Variants in ZNF236 observed in about 807,000 individuals in gnomAD.
ZNF236 encodes the protein regulated by glucose.
Under a neutral mutation model 191.2 loss-of-function variants are expected in ZNF236, and 50 were observed. That is an observed-to-expected ratio of 0.26 (90% CI 0.21 to 0.33). ZNF236 has a LOEUF of 0.33. Ranked by LOEUF, ZNF236 falls within the 10% of genes least tolerant of loss-of-function variation. ZNF236 has a pLI of 1.00. For synonymous variants in ZNF236, 907 were observed against 928.8 expected, an observed-to-expected ratio of 0.98 and a Z score of 0.43; for missense variants, 1,754 against 2,374.5, an observed-to-expected ratio of 0.74 and a Z score of 5.43.
At chr18:76,897,291 C>G (rs865922308) in intron 10 of ZNF236, among the ~76,000 whole-genome samples, 1 of 151,880 alleles carries the variant, frequency 6.6e-6, no homozygotes, top group African/African-American at 2.4e-5. Flanking sequence ...CACACAGGTA[C>G]CACATACAGT....
chr18:76,830,508 G>A (rs911166576), intron 1 of ZNF236, among the ~76,000 whole-genome samples: 1 of 152,048 alleles, frequency 6.6e-6, no homozygotes, highest in African/African-American at 2.4e-5. Context: ...CATTTGTTCC[G>A]CAGGCTCGGT....
intron 3 of ZNF236, among the ~76,000 whole-genome samples, chr18:76,860,249 T>G (rs1976174548): frequency 6.6e-6 from 1 of 152,078 alleles, no homozygotes; most frequent in Non-Finnish European, 1.5e-5. Flanking sequence ...ATGCCACATG[T>G]TCTGGGTGGC....
At position 76,964,215 on chromosome 18, in the gene ZNF236, C is replaced by T. The variant is rs527389625; in HGVS notation, c.5419+3360C>T. Reference sequence around the variant, plus strand: ...ACATTTAGGGCTACGAACTTTCCTCCTAGCACTGCCTTTGCTGTATCCCAG... The same window carrying T: ...ACATTTAGGGCTACGAACTTTCCTCTTAGCACTGCCTTTGCTGTATCCCAG... On this transcript the variant is annotated intron_variant, in intron 30 of 30. Coordinates refer to ENST00000320610, the MANE Select transcript of ZNF236 (RefSeq NM_001306089.2). 3.9e-5 allele frequency among the ~76,000 whole-genome samples: 6 copies of T among 152,254 alleles called. 1 individual carries two copies. Among genetic ancestry groups the T allele is most frequent in the African/African-American group, 1.2e-4 (5 of 41,550 alleles).
Position 76,875,452 on chromosome 18 carries a change from A to G in ZNF236, c.668-40A>G. ...TTTTCAATCCGTAAGATGCCCATAC[A>G]ATATGGAATTATATTTTGATCATTT... On this transcript the variant is annotated intron_variant, in intron 5 of 30. Coordinates refer to ENST00000320610, the MANE Select transcript of ZNF236 (RefSeq NM_001306089.2). The surrounding 1 kb of genome is among the most constrained non-coding windows in gnomAD (Gnocchi z 4.3). The G allele has an allele frequency of 6.9e-7, 1 of 1,444,916 alleles. No homozygotes were observed. The highest frequency in any genetic ancestry group is 2.5e-5 in the Admixed American group (1 of 40,138). 89.5% of individuals were successfully genotyped at this position (1,444,916 alleles called of 1,614,324 possible).
chr18:76,884,481 T>TAA (rs1229268532), intron 9 of ZNF236, among the ~76,000 whole-genome samples: 2 of 152,138 alleles, frequency 1.3e-5, no homozygotes, highest in Admixed American at 6.5e-5. Context: ...GGAAAGCTGA[T>TAA]GATTGACTCC....
rs1489698542 is a variant in ZNF236, at chr18:76,969,295, C to T, written c.*956C>T. On this transcript the variant is annotated 3_prime_UTR_variant, in exon 31 of 31. Transcript: ENST00000320610. ...TTCTTTAGTATCGTCAATGGTGCCA[C>T]ATAAAACATGTCCCAAACCAAATCC... 1 of 152,686 alleles carries T rather than the reference C, an allele frequency of 6.5e-6. No homozygotes were observed. Among genetic ancestry groups the T allele is most frequent in the Non-Finnish European group, 1.5e-5 (1 of 68,072 alleles). 9.5% of individuals were successfully genotyped at this position (152,686 alleles called of 1,614,324 possible). A position where few individuals can be genotyped will look rare whatever the true frequency, so the allele number is the denominator to read the frequency against.
At chr18:76,850,856 A>T (rs1265798638) in intron 2 of ZNF236, among the ~76,000 whole-genome samples, 2 of 151,708 alleles carry the variant, frequency 1.3e-5, no homozygotes, top group Non-Finnish European at 2.9e-5. Context: ...CGCCTGCCTC[A>T]GCCTCCCAAA....
Position 76,895,176 on chromosome 18 carries a change from G to A in ZNF236, c.1581G>A (p.Leu527=). The A allele has an allele frequency of 6.2e-7, 1 of 1,606,060 alleles. No individual in the cohort carries two copies. The highest frequency in any genetic ancestry group is 8.5e-7 in the Non-Finnish European group (1 of 1,179,980). The change falls in exon 10 of 31, where the codon CTG becomes CTA. Residue 527 remains leucine (L), a synonymous_variant. Coordinates refer to ENST00000320610, the MANE Select transcript of ZNF236 (RefSeq NM_001306089.2). ...CFRAFAVKST[L]TAHIKTHTGI... Reference sequence around the variant, plus strand: ...GCGCCTTCGCCGTGAAGAGCACGCTGACAGCGCACATCAAGACGCACACCG... The same window carrying A: ...GCGCCTTCGCCGTGAAGAGCACGCTAACAGCGCACATCAAGACGCACACCG...
At chr18:76,956,226 G>T in intron 28 of ZNF236, 44 bp downstream of exon 28, 11 of 1,535,708 alleles carry the variant, frequency 7.2e-6, no homozygotes, top group South Asian at 1.2e-5. Flanking sequence ...CCCCCAGGCG[G>T]CTAGAGATGC....
chr18:76,868,786 TGCCTGCAAG>T lies in ZNF236; in HGVS notation c.475_483del (p.Ala159_Lys161del). 2 of 1,613,952 alleles carry T rather than the reference TGCCTGCAAG, an allele frequency of 1.2e-6. No individual in the cohort carries two copies. The highest frequency in any genetic ancestry group is 8.5e-7 in the Non-Finnish European group (1 of 1,179,960). On this transcript the variant is annotated inframe_deletion, in exon 4 of 31. Transcript: ENST00000320610. ...AGGAGCTGGCTGGAACCCGGCAGCA[TGCCTGCAAG>T]GCCTGCAAGAAAGAGTTCGAGACCT...
Position 76,972,179 on chromosome 18 carries a change from A to C in ZNF236, c.*3840A>C, listed in dbSNP as rs1286496186. ...TGTCGTATCTGTACTTGGGGCCTCT[A>C]CACCTTTCCCATATTCTAATGAAAA... On this transcript the variant is annotated 3_prime_UTR_variant, in exon 31 of 31. Coordinates refer to ENST00000320610, the MANE Select transcript of ZNF236 (RefSeq NM_001306089.2). 6.6e-6 allele frequency among the ~76,000 whole-genome samples: 1 copy of C among 152,324 alleles called. No individual in the cohort carries two copies. Among genetic ancestry groups the C allele is most frequent in the Admixed American group, 6.5e-5 (1 of 15,300 alleles).
At chr18:76,840,822 CTT>C (rs1223768202) in intron 1 of ZNF236, 1,707 of 65,596 alleles carry the variant, frequency 0.026, 14 homozygotes, top group Non-Finnish European at 0.033. Context: ...TTCTTTCTTT[CTT>C]TTTTTTTTTT....
At chr18:76,885,064 C>G (rs748134951) in intron 9 of ZNF236, 6 of 152,196 alleles carry the variant, frequency 3.9e-5, no homozygotes, top group African/African-American at 7.2e-5. Flanking sequence ...GAAGTAGACC[C>G]AGGGAGATGC....
At position 76,953,326 on chromosome 18, in the gene ZNF236, T is replaced by C. The variant is rs571961108; in HGVS notation, c.4915-2659T>C. ...CTCACTGCTTAAGGGGCCATGGCCT[T>C]CTTTTGAAACTGGTTTTGCAGGAGA... is the stretch of plus-strand genomic sequence containing the variant. On this transcript the variant is annotated intron_variant, in intron 27 of 30. Transcript: ENST00000320610. 7.9e-5 allele frequency among the ~76,000 whole-genome samples: 12 copies of C among 152,296 alleles called. No homozygotes were observed. The South Asian group carries it at 2.5e-3, about 32-fold the overall frequency.
chr18:76,883,830 A>G (rs142778075), intron 9 of ZNF236, among the ~76,000 whole-genome samples: 11 of 152,326 alleles, frequency 7.2e-5, no homozygotes, highest in African/African-American at 2.6e-4. Flanking sequence ...CTCTCCAAGG[A>G]TGGAGTATCA....
rs116626562 is a variant in ZNF236, at chr18:76,867,926, A to G, written c.364-759A>G. Reference sequence around the variant, plus strand: ...CCAGCTGTAGAACATCTAGACCAGCATCATCTAAGTGAAAGATGAGGAATT... The same window carrying G: ...CCAGCTGTAGAACATCTAGACCAGCGTCATCTAAGTGAAAGATGAGGAATT... On this transcript the variant is annotated intron_variant, in intron 3 of 30. Transcript: ENST00000320610. Among the ~76,000 whole-genome samples the G allele has an allele frequency of 9.1e-3, 1,389 of 152,288 alleles. 24 individuals carry two copies. The highest frequency in any genetic ancestry group is 0.029 in the African/African-American group (1,207 of 41,538).
intron 3 of ZNF236, among the ~76,000 whole-genome samples, chr18:76,860,839 C>T (rs540684000): frequency 3.3e-5 from 5 of 152,374 alleles, no homozygotes; most frequent in Non-Finnish European, 5.9e-5. Flanking sequence ...CTCACCCCTG[C>T]TTCTGGTTTC....
At chr18:76,835,510 G>T (rs763621941) in intron 1 of ZNF236, among the ~76,000 whole-genome samples, 1 of 122,572 alleles carries the variant, frequency 8.2e-6, no homozygotes, top group East Asian at 2.7e-4. Context: ...TATTTTCCTG[G>T]TATAGTAACT....
intron 20 of ZNF236, 109 bp from the exon 21 acceptor site, chr18:76,922,962 G>T: frequency 3.8e-6 from 3 of 796,030 alleles, no homozygotes; most frequent in Non-Finnish European, 6.1e-6. Context: ...GTTTTTCTTG[G>T]CCAAACTTAA....
Sources: allele counts gnomAD v4.1 joint callset (sites outside exome capture counted in the v4.1 genomes callset), GRCh38; gene constraint gnomAD v4.1.1; non-coding constraint Gnocchi (gnomAD v3.1); transcripts MANE v1.5; gene names NCBI Gene and HGNC (gene_info 2026-07-23, HGNC 2026-07-21).